The following NPAS3 variants were observed in gnomAD, a reference collection of about 807,000 sequenced individuals.
NPAS3 encodes the protein neuronal PAS domain protein 3, also known as neuronal PAS domain-containing protein 3.
In NPAS3, 14 loss-of-function variants were observed where a neutral mutation model predicts 73.1. That is an observed-to-expected ratio of 0.19 (90% CI 0.13 to 0.30). NPAS3 has a LOEUF of 0.30. Among genes scored for constraint, NPAS3 ranks in the 10% least tolerant of loss-of-function variants. NPAS3 has a pLI of 1.00. For synonymous variants in NPAS3, 620 were observed against 541.5 expected, an observed-to-expected ratio of 1.14 and a Z score of -2.01; for missense variants, 1,096 against 1,250.0, an observed-to-expected ratio of 0.88 and a Z score of 1.86.
At chr14:33,209,274 CA>C (rs147576894) in intron 2 of NPAS3, among the ~76,000 whole-genome samples, 4 of 149,036 alleles carry the variant, frequency 2.7e-5, no homozygotes, top group African/African-American at 4.9e-5. Flanking sequence ...ACAACCATGC[CA>C]AAAAAAAATA....
upstream of NPAS3, chr14:32,939,235 GCACACCCCCGCCCGCC>G (rs1415174540): frequency 9.8e-6 from 4 of 406,476 alleles, no homozygotes; most frequent in Non-Finnish European, 1.9e-5. Flanking sequence ...CCACGCACAC[GCACACCCCCGCCCGCC>G]CACGCCCCCC....
intron 3 of NPAS3, among the ~76,000 whole-genome samples, chr14:33,349,458 A>G (rs972167637): frequency 3.3e-5 from 5 of 152,210 alleles, no homozygotes; most frequent in South Asian, 2.1e-4. Flanking sequence ...TGATGGACCA[A>G]TCCTCAAACA....
chr14:32,964,997 C>T (rs1350293967), intron 1 of NPAS3, among the ~76,000 whole-genome samples: 1 of 151,806 alleles, frequency 6.6e-6, no homozygotes, highest in Non-Finnish European at 1.5e-5. Context: ...GAAATGGTAG[C>T]AAAACAAAGT....
At chr14:33,130,012 A>G (rs554321110) in intron 2 of NPAS3, among the ~76,000 whole-genome samples, 3 of 152,200 alleles carry the variant, frequency 2.0e-5, no homozygotes, top group African/African-American at 7.2e-5. Flanking sequence ...GTCACTTTTA[A>G]TTTAGGATGT....
At chr14:32,978,187 G>A (rs1050169355) in intron 1 of NPAS3, among the ~76,000 whole-genome samples, 4 of 152,168 alleles carry the variant, frequency 2.6e-5, no homozygotes, top group Non-Finnish European at 5.9e-5. Flanking sequence ...AATATCAAGG[G>A]TCTAGTTTTT....
rs530769809 is a variant in NPAS3, at chr14:33,245,233, A to G, written c.385+29807A>G. On this transcript the variant is annotated intron_variant, in intron 3 of 11. Coordinates refer to ENST00000356141, the Ensembl canonical transcript of NPAS3. ...AAAACATTCATTGAATATCTGTTAG[A>G]CAGTTGTGATGATCAACCTCATTGG... Among the ~76,000 whole-genome samples, 116 of 152,336 alleles carry G rather than the reference A, an allele frequency of 7.6e-4. 1 individual carries two copies. Among genetic ancestry groups the G allele is most frequent in the African/African-American group, 2.7e-3 (114 of 41,576 alleles).
At chr14:33,263,481 C>G (rs565865645) in intron 3 of NPAS3, among the ~76,000 whole-genome samples, 3 of 152,180 alleles carry the variant, frequency 2.0e-5, no homozygotes, top group East Asian at 1.9e-4. Context: ...TGGTCTATAT[C>G]TCTGTTTTGG....
intron 4 of NPAS3, among the ~76,000 whole-genome samples, chr14:33,405,303 A>C (rs1006728681): frequency 1.3e-5 from 2 of 152,070 alleles, no homozygotes; most frequent in African/African-American, 4.8e-5. Flanking sequence ...GCCATTTCTG[A>C]ACAGAATAAG....
At chr14:33,582,058 A>G (rs1184586226) in intron 5 of NPAS3, 2 of 152,188 alleles carry the variant, frequency 1.3e-5, no homozygotes, top group Non-Finnish European at 2.9e-5. Context: ...ATTTTTATAT[A>G]TGTACCCATT....
intron 3 of NPAS3, among the ~76,000 whole-genome samples, chr14:33,350,462 C>A (rs1174330881): frequency 6.6e-6 from 1 of 152,100 alleles, no homozygotes; most frequent in African/African-American, 2.4e-5. Context: ...TACAGACTGC[C>A]CCCCTACCTG....
chr14:33,055,369 T>A (rs1469836770), intron 1 of NPAS3, among the ~76,000 whole-genome samples: 2 of 152,208 alleles, frequency 1.3e-5, no homozygotes, highest in Non-Finnish European at 2.9e-5. Flanking sequence ...TGCTTGTGTT[T>A]TCATCCCTAA....
At chr14:32,996,934 C>T (rs960697971) in intron 1 of NPAS3, among the ~76,000 whole-genome samples, 2 of 152,286 alleles carry the variant, frequency 1.3e-5, no homozygotes, top group East Asian at 3.9e-4. Flanking sequence ...CAACAGCTTG[C>T]ACCGTGTATC....
chr14:33,594,807 T>G (rs17406596), intron 5 of NPAS3, among the ~76,000 whole-genome samples: 9,586 of 152,300 alleles, frequency 0.063, 331 homozygotes, highest in South Asian at 0.13. Flanking sequence ...TTAATCATAT[T>G]CTTCATCTCG....
Position 33,530,993 on chromosome 14 carries a change from C to T in NPAS3, c.469-29128C>T, listed in dbSNP as rs191067967. On this transcript the variant is annotated intron_variant, in intron 4 of 11. Transcript: ENST00000356141. ...ATTCTCTGTATGGGTAAACAGTAAG[C>T]AGTAGATGAAGATAAAATTGGTCCG... Among the ~76,000 whole-genome samples the T allele has an allele frequency of 1.7e-3, 265 of 152,108 alleles. 2 individuals carry two copies. The highest frequency in any genetic ancestry group is 6.0e-3 in the African/African-American group (250 of 41,524).
At chr14:33,451,730 G>A (rs1415668799) in intron 4 of NPAS3, among the ~76,000 whole-genome samples, 2 of 152,022 alleles carry the variant, frequency 1.3e-5, no homozygotes, top group Non-Finnish European at 2.9e-5. Flanking sequence ...ATTTTCTTGT[G>A]CCCATTTTCA....
intron 1 of NPAS3, among the ~76,000 whole-genome samples, chr14:33,015,627 C>A (rs1185723117): frequency 6.6e-6 from 1 of 152,058 alleles, no homozygotes; most frequent in African/African-American, 2.4e-5. Context: ...TGCAGAGGAC[C>A]CACTATGTAT....
intron 1 of NPAS3, among the ~76,000 whole-genome samples, chr14:33,035,032 T>A (rs1209846235): frequency 6.6e-6 from 1 of 152,224 alleles, no homozygotes; most frequent in African/African-American, 2.4e-5. Context: ...ATCACATACA[T>A]CTGATACATT....
intron 2 of NPAS3, among the ~76,000 whole-genome samples, chr14:33,069,189 C>G (rs2041392657): frequency 6.6e-6 from 1 of 152,094 alleles, no homozygotes; most frequent in African/African-American, 2.4e-5. Context: ...ATATTGAATC[C>G]AAGATTAAAT....
chr14:33,794,039 T>A (rs537376242), exon 10 of NPAS3: 18 of 1,611,780 alleles, frequency 1.1e-5, no homozygotes, highest in Non-Finnish European at 1.4e-5. Flanking sequence ...TGAATTACCT[T>A]CTTAGGTATA....
Sources: allele counts gnomAD v4.1 joint callset (sites outside exome capture counted in the v4.1 genomes callset), GRCh38; gene constraint gnomAD v4.1.1; transcripts MANE v1.5; gene names NCBI Gene and HGNC (gene_info 2026-07-23, HGNC 2026-07-21).